KYAT3: variants seen among roughly 807,000 people sequenced by gnomAD.
The protein encoded by KYAT3 is kynurenine--oxoglutarate transaminase 3.
KYAT3 carries 50 observed loss-of-function variants against 59.0 expected under a neutral mutation model. The observed-to-expected ratio is 0.85, with a 90% CI of 0.68 to 1.07. The LOEUF (loss-of-function observed/expected upper bound fraction) is 1.07, where lower values mean the gene tolerates loss of function less well. Ranked by LOEUF, KYAT3 falls within the 50% of genes least tolerant of loss-of-function variation. The probability of loss-of-function intolerance (pLI) is 0.00; values close to 1 mark genes in which losing one functional copy is unlikely to be tolerated. For missense variants in KYAT3, 497 were observed against 533.3 expected, an observed-to-expected ratio of 0.93 and a Z score of 0.67; for synonymous variants, 148 against 177.0, an observed-to-expected ratio of 0.84 and a Z score of 1.30.
chr1:88,975,589 T>C (rs933048590), intron 2 of KYAT3, among the ~76,000 whole-genome samples: 2 of 152,362 alleles, frequency 1.3e-5, no homozygotes, highest in South Asian at 2.1e-4. Flanking sequence ...ATCCTCAATA[T>C]TATAGTCATC....
At chr1:88,969,796 T>C (rs1328744797) in intron 2 of KYAT3, among the ~76,000 whole-genome samples, 3 of 152,254 alleles carry the variant, frequency 2.0e-5, no homozygotes, top group South Asian at 4.1e-4. Flanking sequence ...CATATCCTAC[T>C]GTGCCAAACT....
chr1:88,927,648 T>C, the KYAT3 span, among the ~76,000 whole-genome samples: 1 of 151,960 alleles, frequency 6.6e-6, no homozygotes, highest in Non-Finnish European at 1.5e-5. Flanking sequence ...AGTACCAGTA[T>C]TCCCCGATTA....
intron 5 of KYAT3, among the ~76,000 whole-genome samples, chr1:88,963,932 G>T (rs1030239670): frequency 1.3e-5 from 2 of 152,218 alleles, no homozygotes; most frequent in Non-Finnish European, 2.9e-5. Context: ...GCTGGGCGTG[G>T]TGGCTCACGC....
chr1:88,950,736 C>T (rs574060600), intron 10 of KYAT3, among the ~76,000 whole-genome samples: 1 of 152,200 alleles, frequency 6.6e-6, no homozygotes, highest in African/African-American at 2.4e-5. Flanking sequence ...GTTCAATGCA[C>T]TGGCATTTCT....
At chr1:88,975,065 C>T (rs747943926) in intron 2 of KYAT3, among the ~76,000 whole-genome samples, 3 of 152,214 alleles carry the variant, frequency 2.0e-5, no homozygotes, top group Non-Finnish European at 2.9e-5. Context: ...GTCCGCACCA[C>T]CTTTAAGAGC....
At chr1:88,941,711 A>C (rs1455381553) in intron 13 of KYAT3, among the ~76,000 whole-genome samples, 5 of 152,104 alleles carry the variant, frequency 3.3e-5, no homozygotes, top group African/African-American at 1.2e-4. Flanking sequence ...CTGGCTAATT[A>C]AAAATATTTT....
intron 10 of KYAT3, 59 bp downstream of exon 10, chr1:88,953,004 T>C: frequency 9.6e-7 from 1 of 1,038,792 alleles, no homozygotes; most frequent in South Asian, 1.3e-5. Flanking sequence ...ATATGCAATA[T>C]AAAAGTAATA....
chr1:88,986,050 G>A (rs1446010493), intron 2 of KYAT3, among the ~76,000 whole-genome samples: 6 of 151,872 alleles, frequency 4.0e-5, no homozygotes, highest in Non-Finnish European at 5.9e-5. Flanking sequence ...GAGTGGTGGC[G>A]GGCACCTATA....
intron 11 of KYAT3, among the ~76,000 whole-genome samples, chr1:88,948,632 C>A (rs1675540908): frequency 6.6e-6 from 1 of 152,192 alleles, no homozygotes; most frequent in Admixed American, 6.5e-5. Flanking sequence ...AGTAGACCCT[C>A]AATAAGTGTT....
chr1:88,985,137 A>G (rs891307967), intron 2 of KYAT3, among the ~76,000 whole-genome samples: 10 of 152,364 alleles, frequency 6.6e-5, no homozygotes, highest in Admixed American at 6.5e-4. Context: ...AATGCCAGAA[A>G]TGGAGTCAGG....
intron 11 of KYAT3, 113 bp from the exon 12 acceptor site, chr1:88,943,536 G>C (rs1675323752): frequency 3.0e-6 from 2 of 664,574 alleles, no homozygotes; most frequent in Non-Finnish European, 5.3e-6. Context: ...GCTTGGTTTA[G>C]AATTTTCTCA....
Position 88,955,156 on chromosome 1 carries a change from C to A in KYAT3, c.857G>T (p.Gly286Val). The change falls in exon 9 of 14, where the codon GGC becomes GTC. Residue 286 changes from glycine (G) to valine (V), a missense_variant. By Grantham distance (109) the Gly-to-Val change is moderately radical. Around this residue, in one of 2 missense-constraint regions of KYAT3, gnomAD observed 469 missense variants for 479.1 expected, o/e 0.98. Transcript: ENST00000260508. ...AATTCTTACTCATCTTACCTTCCAG[C>A]CAGTTACACTGAAAGTCTTTCCAGC... is the stretch of plus-strand genomic sequence containing the variant. ...GSAGKTFSVT[G>V]WKLGWSIGPN... The A allele has an allele frequency of 1.2e-6, 2 of 1,602,520 alleles. No individual in the cohort carries two copies. The highest frequency in any genetic ancestry group is 1.3e-5 in the African/African-American group (1 of 74,768).
chr1:88,964,969 A>C lies in KYAT3; in HGVS notation c.313T>G (p.Ser105Ala). The part of the protein sequence containing the change: ...NQYTRGFGHP[S>A]LVKALSYLYE... ...AGATAGGACAGAGCTTTCACAAGTG[A>C]TGGATGGCCCTGTTGGATTAAAAAT... is the stretch of plus-strand genomic sequence containing the variant. Residue 105 changes from serine (S) to alanine (A), a missense_variant, in exon 5 of 14, where the codon TCA (serine) becomes GCA (alanine). This residue lies in a region of KYAT3 where 469 missense variants were observed against 479.1 expected (regional missense o/e 0.98). Transcript: ENST00000260508. 1 of 1,601,894 alleles carries C rather than the reference A, an allele frequency of 6.2e-7. No homozygotes were observed. Among genetic ancestry groups the C allele is most frequent in the Non-Finnish European group, 8.5e-7 (1 of 1,177,522 alleles).
At chr1:88,960,574 T>C (rs1368635224) in intron 8 of KYAT3, among the ~76,000 whole-genome samples, 1 of 152,120 alleles carries the variant, frequency 6.6e-6, no homozygotes, top group Non-Finnish European at 1.5e-5. Flanking sequence ...AGGTGAAGGA[T>C]ATTTGAAGTC....
At chr1:88,951,379 C>T (rs1424169624) in intron 10 of KYAT3, among the ~76,000 whole-genome samples, 7 of 151,814 alleles carry the variant, frequency 4.6e-5, no homozygotes, top group Admixed American at 6.6e-5. Context: ...GGATTACAGG[C>T]GCCTGCCACC....
intron 2 of KYAT3, among the ~76,000 whole-genome samples, chr1:88,973,794 C>T (rs1216220586): frequency 6.6e-6 from 1 of 152,134 alleles, no homozygotes; most frequent in East Asian, 1.9e-4. Flanking sequence ...TCGAAAAAAA[C>T]TAATACTGTA....
chr1:88,931,429 A>G (rs1235239868), downstream of KYAT3, among the ~76,000 whole-genome samples: 3 of 152,314 alleles, frequency 2.0e-5, no homozygotes, highest in South Asian at 2.1e-4. Context: ...CCATGCTCCA[A>G]TGTTAATGAC....
At chr1:88,930,936 T>G (rs1476902362), downstream of KYAT3, among the ~76,000 whole-genome samples, 57 of 152,032 alleles carry the variant, frequency 3.7e-4, no homozygotes. Flanking sequence ...GACCCTCCAT[T>G]AGAAATGCTT....
intron 10 of KYAT3, 145 bp downstream of exon 10, chr1:88,952,918 T>C: frequency 1.7e-6 from 1 of 571,910 alleles, no homozygotes; most frequent in Admixed American, 3.0e-5. Flanking sequence ...AGTGAATATG[T>C]ATCTGCTCCC....
Sources: gnomAD v4.1 joint callset for allele counts (sites outside exome capture counted in the v4.1 genomes callset) on GRCh38, gnomAD v4.1.1 for gene constraint, gnomAD v4.1.1 regional missense constraint, MANE v1.5 for transcripts, NCBI Gene and HGNC (gene_info 2026-07-23, HGNC 2026-07-21) for gene names.